The following GRID1 variants were observed in gnomAD, a reference collection of about 807,000 sequenced individuals.
GRID1 encodes glutamate receptor ionotropic, delta-1.
Under a neutral mutation model 98.0 loss-of-function variants are expected in GRID1, and 28 were observed. That is an observed-to-expected ratio of 0.29 (90% confidence interval 0.21 to 0.39). The LOEUF is 0.39. Among genes scored for constraint, GRID1 ranks in the 10% least tolerant of loss-of-function variants. The pLI is 1.00. For synonymous variants in GRID1, 553 were observed against 538.5 expected (o/e 1.03, Z -0.37); for missense variants, 1,111 against 1,340.5 (o/e 0.83, Z 2.67).
chr10:85,994,262 T>C (rs1842714995), intron 4 of GRID1, among the ~76,000 whole-genome samples: 1 of 152,216 alleles, frequency 6.6e-6, no homozygotes, highest in African/African-American at 2.4e-5. Flanking sequence ...ACCCACAGCA[T>C]GGCAGCCTGA....
chr10:86,099,412 G>A (rs778932269), intron 4 of GRID1, among the ~76,000 whole-genome samples: 5 of 152,132 alleles, frequency 3.3e-5, no homozygotes, highest in Middle Eastern at 3.4e-3. Flanking sequence ...GAAAACAGAC[G>A]AACACACCAC....
At chr10:85,775,234 C>T (rs1336601553) in intron 8 of GRID1, among the ~76,000 whole-genome samples, 2 of 150,490 alleles carry the variant, frequency 1.3e-5, no homozygotes, top group African/African-American at 4.9e-5. Context: ...GAACAAAAAA[C>T]CAAACACCAC....
intron 8 of GRID1, among the ~76,000 whole-genome samples, chr10:85,769,486 T>C (rs559652949): frequency 2.7e-4 from 41 of 152,248 alleles, no homozygotes; most frequent in African/African-American, 9.9e-4. Context: ...GGACAGTGGG[T>C]GCAGCACACC....
At chr10:86,174,109 G>A (rs1845536672) in intron 3 of GRID1, among the ~76,000 whole-genome samples, 1 of 152,090 alleles carries the variant, frequency 6.6e-6, no homozygotes, top group Admixed American at 6.5e-5. Flanking sequence ...GGATGGCTGG[G>A]TCAAATGGTA....
chr10:86,247,286 C>T (rs149623346), intron 2 of GRID1, among the ~76,000 whole-genome samples: 57 of 131,012 alleles, frequency 4.4e-4, no homozygotes, highest in South Asian at 4.2e-3. Flanking sequence ...GATGGATAGA[C>T]GGATGGATGG....
At chr10:86,308,884 A>G (rs1181283085) in intron 2 of GRID1, among the ~76,000 whole-genome samples, 1 of 152,204 alleles carries the variant, frequency 6.6e-6, no homozygotes, top group Non-Finnish European at 1.5e-5. Context: ...CAATGACATT[A>G]ATCCATTCAT....
chr10:85,754,102 C>G (rs191402134), intron 8 of GRID1, among the ~76,000 whole-genome samples: 1 of 152,336 alleles, frequency 6.6e-6, no homozygotes, highest in Admixed American at 6.5e-5. Context: ...CATGAGAGCA[C>G]TGATCTTGTG....
chr10:86,083,347 T>G (rs1345312327), intron 4 of GRID1, among the ~76,000 whole-genome samples: 1 of 152,172 alleles, frequency 6.6e-6, no homozygotes, highest in African/African-American at 2.4e-5. Flanking sequence ...CGTTTCCATC[T>G]TCTAAGCCCA....
chr10:86,234,647 C>A (rs1846507691), intron 2 of GRID1, among the ~76,000 whole-genome samples: 2 of 152,202 alleles, frequency 1.3e-5, no homozygotes, highest in African/African-American at 4.8e-5. Flanking sequence ...CGGTGTAAAT[C>A]TTTAATTTCA....
At chr10:85,706,108 C>A (rs571129589) in intron 12 of GRID1, among the ~76,000 whole-genome samples, 16 of 152,152 alleles carry the variant, frequency 1.1e-4, no homozygotes, top group African/African-American at 3.6e-4. Flanking sequence ...GAAGTTCTGG[C>A]CAGGGCAATC....
intron 4 of GRID1, among the ~76,000 whole-genome samples, chr10:85,937,989 A>G (rs1196495915): frequency 1.3e-5 from 2 of 152,248 alleles, no homozygotes; most frequent in African/African-American, 2.4e-5. Flanking sequence ...GATAAGGCCA[A>G]TGTGATCTAT....
chr10:85,960,214 A>G (rs1842248614), intron 4 of GRID1, among the ~76,000 whole-genome samples: 1 of 152,222 alleles, frequency 6.6e-6, no homozygotes, highest in Admixed American at 6.5e-5. Context: ...CTGGGTCAAT[A>G]TTTAGGAGCA....
At chr10:86,208,730 T>C (rs978095961) in intron 2 of GRID1, among the ~76,000 whole-genome samples, 27 of 152,210 alleles carry the variant, frequency 1.8e-4, no homozygotes, top group Admixed American at 5.9e-4. Context: ...ACCAGGGTCA[T>C]GCCTGCTGTG....
chr10:86,037,219 T>C (rs1843277685), intron 4 of GRID1, among the ~76,000 whole-genome samples: 1 of 152,188 alleles, frequency 6.6e-6, no homozygotes, highest in Non-Finnish European at 1.5e-5. Flanking sequence ...GAACCAAGGC[T>C]GTCAAGGACC....
intron 12 of GRID1, among the ~76,000 whole-genome samples, chr10:85,660,142 C>T (rs1840948819): frequency 6.6e-6 from 1 of 152,234 alleles, no homozygotes; most frequent in Non-Finnish European, 1.5e-5. Context: ...ACCTGGCATG[C>T]TCTCTGGCCA....
chr10:85,654,473 G>T (rs1033720856), intron 12 of GRID1, among the ~76,000 whole-genome samples: 4 of 152,290 alleles, frequency 2.6e-5, no homozygotes, highest in African/African-American at 7.2e-5. Context: ...TGATCTGAAC[G>T]ATTTTAAATA....
chr10:86,277,815 T>A (rs1027041024), intron 2 of GRID1, among the ~76,000 whole-genome samples: 3 of 151,988 alleles, frequency 2.0e-5, no homozygotes, highest in African/African-American at 7.2e-5. Context: ...ACAGACATAC[T>A]GAAAACAAAT....
At chr10:86,207,628 CT>C (rs71016123) in intron 2 of GRID1, among the ~76,000 whole-genome samples, 1,593 of 106,196 alleles carry the variant, frequency 0.015, 22 homozygotes, top group African/African-American at 0.052. Context: ...GATGCAGTTT[CT>C]TTTTTTTTTT....
chr10:86,076,949 T>C (rs1298909427), intron 4 of GRID1, among the ~76,000 whole-genome samples: 2 of 139,432 alleles, frequency 1.4e-5, no homozygotes, highest in African/African-American at 5.4e-5. Context: ...GATTAGGGCT[T>C]ACTCTAATGA....
Sources: gnomAD v4.1 joint callset for allele counts (sites outside exome capture counted in the v4.1 genomes callset) on GRCh38, gnomAD v4.1.1 for gene constraint, MANE v1.5 for transcripts, NCBI Gene and HGNC (gene_info 2026-07-23, HGNC 2026-07-21) for gene names.